Variants in CSMD1 observed in about 807,000 individuals in gnomAD.
The protein encoded by CSMD1 is CUB and Sushi multiple domains 1.
In CSMD1, 213 loss-of-function variants were observed where a neutral mutation model predicts 417.5. That is an observed-to-expected ratio of 0.51 (90% CI 0.46 to 0.57). CSMD1 has a LOEUF of 0.57. CSMD1 is among the 20% of genes least tolerant of loss of function. The probability of loss-of-function intolerance (pLI) is 0.00; values close to 1 mark genes in which losing one functional copy is unlikely to be tolerated. For synonymous variants in CSMD1, 2,862 were observed against 1,736.8 expected (o/e 1.65, Z -16.11); for missense variants, 6,923 against 4,529.7 (o/e 1.53, Z -15.17).
intron 37 of CSMD1, among the ~76,000 whole-genome samples, chr8:3,178,688 C>A (rs115384574): frequency 6.6e-6 from 1 of 151,938 alleles, no homozygotes; most frequent in Non-Finnish European, 1.5e-5. Context: ...AAGTAACAAG[C>A]GGTAACAAGT....
chr8:4,041,137 C>G (rs1172838692), intron 3 of CSMD1, among the ~76,000 whole-genome samples: 2 of 151,606 alleles, frequency 1.3e-5, no homozygotes, highest in African/African-American at 2.4e-5. Flanking sequence ...CTGCCTCAGC[C>G]TCCCGAGTAG....
At chr8:3,691,823 A>T (rs1203550062) in intron 7 of CSMD1, among the ~76,000 whole-genome samples, 4 of 152,224 alleles carry the variant, frequency 2.6e-5, no homozygotes, top group Admixed American at 6.5e-5. Flanking sequence ...GTGATCTAAA[A>T]ATATGATGAA....
intron 1 of CSMD1, among the ~76,000 whole-genome samples, chr8:4,739,961 G>T (rs1283718750): frequency 1.3e-5 from 2 of 152,180 alleles, no homozygotes; most frequent in African/African-American, 4.8e-5. Flanking sequence ...TCTGAGCTAG[G>T]GAAATAGCTG....
At chr8:4,855,018 G>A (rs1001544740) in intron 1 of CSMD1, among the ~76,000 whole-genome samples, 13 of 152,152 alleles carry the variant, frequency 8.5e-5, no homozygotes, top group African/African-American at 2.9e-4. Context: ...GTCCCTGTCT[G>A]ACAGGTTTGA....
intron 1 of CSMD1, among the ~76,000 whole-genome samples, chr8:4,732,165 G>T (rs376705588): frequency 6.6e-6 from 1 of 152,092 alleles, no homozygotes; most frequent in Non-Finnish European, 1.5e-5. Flanking sequence ...GACCCAGTGT[G>T]CAAAAGCGTT....
chr8:4,489,311 CAATGCAT>C (rs1563226923), intron 2 of CSMD1, among the ~76,000 whole-genome samples: 4 of 152,300 alleles, frequency 2.6e-5, no homozygotes, highest in South Asian at 4.1e-4. Flanking sequence ...CTCAAAGATT[CAATGCAT>C]AAGGAAAAAC....
chr8:4,415,806 T>C (rs1585040660), intron 3 of CSMD1, among the ~76,000 whole-genome samples: 1 of 152,190 alleles, frequency 6.6e-6, no homozygotes, highest in South Asian at 2.1e-4. Context: ...TTTACATGTA[T>C]GTGCATTTTT....
At chr8:3,886,975 T>G (rs1350257986) in intron 5 of CSMD1, among the ~76,000 whole-genome samples, 1 of 152,196 alleles carries the variant, frequency 6.6e-6, no homozygotes, top group African/African-American at 2.4e-5. Context: ...AAATGCATTA[T>G]GAACACTTAG....
intron 2 of CSMD1, among the ~76,000 whole-genome samples, chr8:4,565,827 A>ACACG (rs1262750176): frequency 6.8e-6 from 1 of 146,676 alleles, no homozygotes. Context: ...ATACACACAG[A>ACACG]CACGCACACA....
chr8:4,056,518 G>A (rs1050312219), intron 3 of CSMD1, among the ~76,000 whole-genome samples: 1 of 150,946 alleles, frequency 6.6e-6, no homozygotes, highest in Admixed American at 6.6e-5. Flanking sequence ...ACTAAGGAAA[G>A]CATTTAATTT....
chr8:3,964,469 T>C (rs2130011732), intron 5 of CSMD1, among the ~76,000 whole-genome samples: 1 of 152,270 alleles, frequency 6.6e-6, no homozygotes, highest in South Asian at 2.1e-4. Context: ...CTGGTATGCC[T>C]CATTTTGCCG....
chr8:4,944,335 T>G (rs921191572), intron 1 of CSMD1, among the ~76,000 whole-genome samples: 1 of 152,206 alleles, frequency 6.6e-6, no homozygotes. Context: ...AGAAAGCTAG[T>G]TATCAGTGAG....
intron 2 of CSMD1, among the ~76,000 whole-genome samples, chr8:4,446,175 GCAT>G (rs1798777591): frequency 6.6e-6 from 1 of 152,106 alleles, no homozygotes; most frequent in Non-Finnish European, 1.5e-5. Flanking sequence ...CATAAATGAC[GCAT>G]CAAAGAAACA....
At chr8:3,893,741 G>A (rs922014621) in intron 5 of CSMD1, among the ~76,000 whole-genome samples, 3 of 151,940 alleles carry the variant, frequency 2.0e-5, no homozygotes, top group Non-Finnish European at 4.4e-5. Flanking sequence ...ATTAACATTC[G>A]CTTTGTAATT....
intron 7 of CSMD1, among the ~76,000 whole-genome samples, chr8:3,689,912 T>G (rs147386178): frequency 3.3e-5 from 5 of 152,350 alleles, no homozygotes; most frequent in African/African-American, 1.2e-4. Context: ...TAAATAAAGC[T>G]GCAAATAATC....
chr8:4,289,975 C>A (rs975232174), intron 3 of CSMD1, among the ~76,000 whole-genome samples: 4 of 152,186 alleles, frequency 2.6e-5, no homozygotes, highest in African/African-American at 9.6e-5. Context: ...TTATTTCATT[C>A]AGCTTGTATA....
At chr8:4,136,328 C>T (rs1002401629) in intron 3 of CSMD1, among the ~76,000 whole-genome samples, 4 of 152,164 alleles carry the variant, frequency 2.6e-5, no homozygotes, top group African/African-American at 7.2e-5. Flanking sequence ...CTATCTTGAT[C>T]TGTTAGTGAT....
chr8:4,739,863 A>G (rs184983023), intron 1 of CSMD1, among the ~76,000 whole-genome samples: 1 of 152,076 alleles, frequency 6.6e-6, no homozygotes, highest in Non-Finnish European at 1.5e-5. Flanking sequence ...TACTCTTCCC[A>G]GAGGGATCTT....
chr8:3,079,454 C>T (rs1483233134), intron 49 of CSMD1, among the ~76,000 whole-genome samples: 1 of 151,940 alleles, frequency 6.6e-6, no homozygotes, highest in East Asian at 1.9e-4. Context: ...ATTAATATCA[C>T]AAAACAGAGG....
Sources: gnomAD v4.1 joint callset for allele counts (sites outside exome capture counted in the v4.1 genomes callset) on GRCh38, gnomAD v4.1.1 for gene constraint, MANE v1.5 for transcripts, NCBI Gene and HGNC (gene_info 2026-07-23, HGNC 2026-07-21) for gene names.